Variants in CORO7 observed in about 807,000 individuals in gnomAD.
CORO7 encodes coronin-7.
A neutral mutation model predicts 126.6 loss-of-function variants in CORO7; 107 were observed. The observed-to-expected ratio is 0.85, with a 90% CI of 0.72 to 0.99. The LOEUF (loss-of-function observed/expected upper bound fraction) is 0.99, where lower values mean the gene tolerates loss of function less well. Among genes scored for constraint, CORO7 ranks in the 50% least tolerant of loss-of-function variants. The pLI, the probability that CORO7 is intolerant of heterozygous loss-of-function variation, is 0.00. For missense variants in CORO7, 1,314 were observed against 1,255.8 expected, an observed-to-expected ratio of 1.05 and a Z score of -0.70; for synonymous variants, 603 against 536.8, an observed-to-expected ratio of 1.12 and a Z score of -1.70.
Position 4,360,957 on chromosome 16 carries a change from C to T in CORO7, c.1903G>A (p.Gly635Ser). The change falls in exon 19 of 28, where the codon GGC (glycine) becomes AGC (serine). Residue 635 changes from glycine (G) to serine (S), a missense_variant. By Grantham distance (56) the Gly-to-Ser change is moderately conservative. Coordinates refer to ENST00000251166, the MANE Select transcript of CORO7 (RefSeq NM_024535.5). ...AGCCGTCCTACCTGGTCTTGGTGGCCCTGCAGCTTCAGCCGATCAGCTCCA... is the reference window on the plus strand; with the variant it reads ...AGCCGTCCTACCTGGTCTTGGTGGCTCTGCAGCTTCAGCCGATCAGCTCCA... ...QAGADRLKLQ[G>S]HQDQIFSLAW... 1 of 1,611,760 alleles carries T rather than the reference C, an allele frequency of 6.2e-7. No individual in the cohort carries two copies. Among genetic ancestry groups the T allele is most frequent in the Non-Finnish European group, 8.5e-7 (1 of 1,179,996 alleles).
At chr16:4,380,396 G>C (rs1016304704) in intron 9 of CORO7, among the ~76,000 whole-genome samples, 8 of 152,240 alleles carry the variant, frequency 5.3e-5, no homozygotes, top group Non-Finnish European at 1.0e-4. Context: ...AAGGAGGGCG[G>C]GACACGGAGC....
chr16:4,412,766 A>T, intron 2 of CORO7: 2 of 344,148 alleles, frequency 5.8e-6, no homozygotes, highest in Non-Finnish European at 1.1e-5. Flanking sequence ...AGAAGCCAAC[A>T]CCCAAGGTGG....
In CORO7 at chr16:4,359,482, T is replaced by G. The variant is rs779572564; in HGVS notation, c.2248A>C (p.Lys750Gln). Reference sequence around the variant, plus strand: ...TCCCGCCCTCCAGCCCAGCCCACCTTGCCGGTCAGGAGCACCAGGCCAGTG... The same window carrying G: ...TCCCGCCCTCCAGCCCAGCCCACCTGGCCGGTCAGGAGCACCAGGCCAGTG... ...PDTGLVLLTG[K>Q]GDTRVFLYEL... Residue 750 changes from lysine (K) to glutamine (Q), a missense_variant and splice_region_variant, in exon 22 of 28, where the codon AAG becomes CAG. Transcript: ENST00000251166. 1.9e-6 allele frequency: 3 copies of G among 1,613,420 alleles called. No individual in the cohort carries two copies. The highest frequency in any genetic ancestry group is 1.7e-6 in the Non-Finnish European group (2 of 1,179,934).
chr16:4,396,224 C>T (rs1052599845), intron 6 of CORO7, among the ~76,000 whole-genome samples: 1 of 152,210 alleles, frequency 6.6e-6, no homozygotes, highest in Middle Eastern at 3.4e-3. Flanking sequence ...GGATTACAGG[C>T]GCCCACCACC....
chr16:4,384,794 C>G lies in CORO7; in HGVS notation c.785+3192G>C, dbSNP rs1016043870. Among the ~76,000 whole-genome samples the G allele has an allele frequency of 8.5e-5, 13 of 152,182 alleles. 1 individual carries two copies. The highest frequency in any genetic ancestry group is 2.9e-5 in the Non-Finnish European group (2 of 68,020). ...CAGCGGCGGCAGCCCAGGTGGATTTCCTGTAGGCCTGGGTCCCATTAGGGG... is the reference window on the plus strand; with the variant it reads ...CAGCGGCGGCAGCCCAGGTGGATTTGCTGTAGGCCTGGGTCCCATTAGGGG... On this transcript the variant is annotated intron_variant, in intron 9 of 27. Coordinates refer to ENST00000251166, the MANE Select transcript of CORO7 (RefSeq NM_024535.5).
At chr16:4,367,811 AG>A (rs1297485132) in intron 9 of CORO7, among the ~76,000 whole-genome samples, 2 of 152,036 alleles carry the variant, frequency 1.3e-5, no homozygotes, top group African/African-American at 2.4e-5. Flanking sequence ...GGGCAGGTGG[AG>A]GCTAGACGGG....
chr16:4,357,595 A>T (rs1056827724), intron 25 of CORO7: 3 of 335,470 alleles, frequency 8.9e-6, no homozygotes, highest in Non-Finnish European at 1.6e-5. Context: ...ACCTCAGGTG[A>T]TCCACTCGCC....
chr16:4,416,398 G>T (rs890170891), intron 1 of CORO7, 61 bp downstream of exon 1: 20 of 1,491,696 alleles, frequency 1.3e-5, no homozygotes, highest in Non-Finnish European at 1.8e-5. Flanking sequence ...GGTCCGGGCA[G>T]GGGGAGGGGC....
In CORO7 at chr16:4,364,891, G is replaced by A. The variant is rs757320376; in HGVS notation, c.928C>T (p.Arg310Cys). ...VTQCVLESVL[R>C]GAALVPRQAL... ...TGCCGGGGCACAAGGGCAGCCCCAC[G>A]CAGCACGCTCTCCAGGACACACTGG... The change falls in exon 12 of 28, where the codon CGT becomes TGT. Residue 310 changes from arginine to cysteine, a missense_variant. By Grantham distance (180) the Arg-to-Cys change is radical. Coordinates refer to ENST00000251166, the MANE Select transcript of CORO7 (RefSeq NM_024535.5). 3.7e-5 allele frequency: 59 copies of A among 1,611,210 alleles called. No individual in the cohort carries two copies. The highest frequency in any genetic ancestry group is 4.7e-5 in the Non-Finnish European group (55 of 1,179,406).
intron 3 of CORO7, among the ~76,000 whole-genome samples, chr16:4,411,377 A>G (rs2056201521): frequency 6.6e-6 from 1 of 151,988 alleles, no homozygotes; most frequent in Non-Finnish European, 1.5e-5. Flanking sequence ...TGAGTGACAG[A>G]GCAAGACCCT....
chr16:4,411,179 C>CAGG (rs1409929092), intron 3 of CORO7, among the ~76,000 whole-genome samples: 1 of 152,156 alleles, frequency 6.6e-6, no homozygotes, highest in Non-Finnish European at 1.5e-5. Context: ...AGCTCGAGGC[C>CAGG]AGGAGTTCAA....
chr16:4,363,609 G>A (rs1041080625), intron 14 of CORO7, among the ~76,000 whole-genome samples: 5 of 152,148 alleles, frequency 3.3e-5, no homozygotes, highest in African/African-American at 9.7e-5. Context: ...CTACTCAGGA[G>A]GCTCAGGCAG....
At position 4,362,123 on chromosome 16, in the gene CORO7, G is replaced by A. The variant is rs752268750; in HGVS notation, c.1440C>T (p.Val480=). 3.1e-6 allele frequency: 5 copies of A among 1,612,416 alleles called. No individual in the cohort carries two copies. Among genetic ancestry groups the A allele is most frequent in the South Asian group, 1.1e-5 (1 of 91,058 alleles). Reference sequence around the variant, plus strand: ...TGGTGATGTGGCTGTCTCGGTGCAGGACAGTGCCCTGAGCATGGCGGAACT... The same window carrying A: ...TGGTGATGTGGCTGTCTCGGTGCAGAACAGTGCCCTGAGCATGGCGGAACT... ...SSKFRHAQGT[V]LHRDSHITNL... Residue 480 remains valine (V), a synonymous_variant, in exon 16 of 28, where the codon GTC becomes GTT. Transcript: ENST00000251166. The surrounding 1 kb of genome is among the most constrained non-coding windows in gnomAD (Gnocchi z 5.3).
Position 4,356,857 on chromosome 16 carries a change from C to T in CORO7, c.2685+311G>A, listed in dbSNP as rs1483326980. The T allele has an allele frequency of 4.5e-5, 18 of 400,736 alleles. No individual in the cohort carries two copies. In the East Asian group the frequency reaches 7.9e-4, roughly 18 times the overall value. 24.8% of individuals were successfully genotyped at this position (400,736 alleles called of 1,614,324 possible). A position where few individuals can be genotyped will look rare whatever the true frequency, so the allele number is the denominator to read the frequency against. On this transcript the variant is annotated intron_variant, in intron 26 of 27. Coordinates refer to ENST00000251166, the MANE Select transcript of CORO7 (RefSeq NM_024535.5). ...CGGCATGTGGCACCAGATACAAGGG[C>T]TACTATCTCTGCACATGGCCTCAAG...
At chr16:4,387,849 G>A in intron 9 of CORO7, 137 bp downstream of exon 9, 1 of 1,092,832 alleles carries the variant, frequency 9.2e-7, no homozygotes, top group Non-Finnish European at 1.3e-6. Flanking sequence ...TCTGTTGCAA[G>A]GCCTTGCAGC....
chr16:4,393,484 C>G (rs1433434635), intron 7 of CORO7, among the ~76,000 whole-genome samples: 3 of 152,156 alleles, frequency 2.0e-5, no homozygotes, highest in Non-Finnish European at 4.4e-5. Flanking sequence ...AAATGGGAGT[C>G]CTCTCGGTCT....
At chr16:4,396,547 A>G (rs1190929879) in intron 6 of CORO7, among the ~76,000 whole-genome samples, 1 of 152,196 alleles carries the variant, frequency 6.6e-6, no homozygotes, top group Non-Finnish European at 1.5e-5. Flanking sequence ...CTGAGCAAGG[A>G]GAAAGGTCTG....
chr16:4,380,273 G>A (rs1325515123), intron 9 of CORO7, among the ~76,000 whole-genome samples: 3 of 152,100 alleles, frequency 2.0e-5, no homozygotes, highest in East Asian at 1.9e-4. Flanking sequence ...CCTTCCCGCC[G>A]GCCACTTCCT....
rs1273272849 is a variant in CORO7, at chr16:4,395,378, G to T, written c.565-39C>A. 13 of 1,613,384 alleles carry T rather than the reference G, an allele frequency of 8.1e-6. No individual in the cohort carries two copies. The South Asian group carries it at 1.4e-4, about 18-fold the overall frequency. Reference sequence around the variant, plus strand: ...GAGGAGGAAACAACTTGCGATTAGGGCTGGAGGGTCCCTGGAAGCCAGCCT... The same window carrying T: ...GAGGAGGAAACAACTTGCGATTAGGTCTGGAGGGTCCCTGGAAGCCAGCCT... On this transcript the variant is annotated intron_variant, in intron 6 of 27. Transcript: ENST00000251166.
Sources: allele counts gnomAD v4.1 joint callset (sites outside exome capture counted in the v4.1 genomes callset), GRCh38; gene constraint gnomAD v4.1.1; non-coding constraint Gnocchi (gnomAD v3.1); transcripts MANE v1.5; gene names NCBI Gene and HGNC (gene_info 2026-07-23, HGNC 2026-07-21).